The following GRAMD1C variants were observed in gnomAD, a reference collection of about 807,000 sequenced individuals.
The protein encoded by GRAMD1C is GRAM domain containing 1C.
Under a neutral mutation model 97.8 loss-of-function variants are expected in GRAMD1C, and 89 were observed. That is an observed-to-expected ratio of 0.91 (90% CI 0.77 to 1.09). GRAMD1C has a LOEUF of 1.09. Ranked by LOEUF, GRAMD1C falls within the 50% of genes least tolerant of loss-of-function variation. The pLI, the probability that GRAMD1C is intolerant of heterozygous loss-of-function variation, is 0.00. For missense variants in GRAMD1C, 740 were observed against 766.4 expected (o/e 0.97, Z 0.41); for synonymous variants, 256 against 267.0 (o/e 0.96, Z 0.40).
At position 113,915,849 on chromosome 3, in the gene GRAMD1C, G is replaced by C; in HGVS notation, c.1090+11G>C. 6.3e-7 allele frequency: 1 copy of C among 1,592,204 alleles called. No individual in the cohort carries two copies. The highest frequency in any genetic ancestry group is 1.1e-5 in the South Asian group (1 of 90,074). ...CTAGAAATATAATAGGTTAGTCCTT[G>C]TGTTCTTACCTAATGATAAATTTGG... On this transcript the variant is annotated intron_variant, in intron 10 of 17. Coordinates refer to ENST00000358160, the MANE Select transcript of GRAMD1C (RefSeq NM_017577.5).
chr3:113,872,030 A>G (rs1466809691), intron 3 of GRAMD1C, among the ~76,000 whole-genome samples: 1 of 152,158 alleles, frequency 6.6e-6, no homozygotes, highest in Non-Finnish European at 1.5e-5. Context: ...AACTCGATGA[A>G]TTTCTAGACA....
intron 2 of GRAMD1C, among the ~76,000 whole-genome samples, chr3:113,861,796 GT>G (rs1191318154): frequency 6.6e-6 from 1 of 152,060 alleles, no homozygotes; most frequent in African/African-American, 2.4e-5. Context: ...GACTACAATG[GT>G]ATTGGGGAAC....
At chr3:113,924,733 A>C (rs1352261497) in intron 10 of GRAMD1C, among the ~76,000 whole-genome samples, 4 of 152,174 alleles carry the variant, frequency 2.6e-5, no homozygotes, top group Non-Finnish European at 4.4e-5. Flanking sequence ...AATGAGAAGA[A>C]CGTATATTCT....
At chr3:113,841,281 C>CTTTCTTTTT (rs1709780439) in intron 1 of GRAMD1C, among the ~76,000 whole-genome samples, 1 of 17,544 alleles carries the variant, frequency 5.7e-5, no homozygotes, top group African/African-American at 1.2e-4. Context: ...TTCTTTCTTT[C>CTTTCTTTTT]TTTCTTTTTT....
At chr3:113,898,706 A>T (rs1040000060) in intron 6 of GRAMD1C, among the ~76,000 whole-genome samples, 2 of 152,188 alleles carry the variant, frequency 1.3e-5, no homozygotes, top group Non-Finnish European at 2.9e-5. Flanking sequence ...GTGAGAATTT[A>T]TTAGCCTGTG....
rs560870434 is a variant in GRAMD1C, at chr3:113,892,061, G to A, written c.541-8970G>A. Among the ~76,000 whole-genome samples, 5 of 152,034 alleles carry A rather than the reference G, an allele frequency of 3.3e-5. No individual in the cohort carries two copies. The South Asian group carries it at 8.3e-4, about 25-fold the overall frequency. On this transcript the variant is annotated intron_variant, in intron 6 of 17. Transcript: ENST00000358160. ...AAAATGATAGTAAAATTATGTTTGT[G>A]TGCATTTGTTTTATTTATTTTTCCA...
intron 17 of GRAMD1C, 33 bp from the exon 18 acceptor site, chr3:113,945,362 AATT>A: frequency 7.4e-7 from 1 of 1,349,698 alleles, no homozygotes; most frequent in Non-Finnish European, 1.1e-6. Flanking sequence ...TGATTAGAAA[AATT>A]AATCTGATTT....
intron 8 of GRAMD1C, among the ~76,000 whole-genome samples, chr3:113,907,035 G>T (rs1936396903): frequency 6.6e-6 from 1 of 152,118 alleles, no homozygotes; most frequent in Non-Finnish European, 1.5e-5. Flanking sequence ...TACACTCTAT[G>T]ACGTTGGCAC....
rs529359374 is a variant in GRAMD1C, at chr3:113,860,028, A to T, written c.175-9479A>T. Among the ~76,000 whole-genome samples, 36 of 149,578 alleles carry T rather than the reference A, an allele frequency of 2.4e-4. No individual in the cohort carries two copies. In the East Asian group the frequency reaches 5.3e-3, roughly 22 times the overall value. On this transcript the variant is annotated intron_variant, in intron 2 of 17. Coordinates refer to ENST00000358160, the MANE Select transcript of GRAMD1C (RefSeq NM_017577.5). ...TATCAAATGAATAAAATAGGAATAAATTTTTTTTTTTGACATGGAGGCTTG... is the reference window on the plus strand; with the variant it reads ...TATCAAATGAATAAAATAGGAATAATTTTTTTTTTTTGACATGGAGGCTTG...
At chr3:113,891,254 C>T (rs1935712864) in intron 6 of GRAMD1C, among the ~76,000 whole-genome samples, 1 of 152,074 alleles carries the variant, frequency 6.6e-6, no homozygotes, top group Admixed American at 6.6e-5. Flanking sequence ...CAAAACTATC[C>T]TAAATGGAAT....
intron 3 of GRAMD1C, among the ~76,000 whole-genome samples, chr3:113,871,705 A>G (rs1238935853): frequency 7.1e-6 from 1 of 141,674 alleles, no homozygotes; most frequent in African/African-American, 2.6e-5. Context: ...AGATTGTGCC[A>G]CTGCACTCCA....
At chr3:113,943,298 A>T (rs1212726343) in intron 17 of GRAMD1C, among the ~76,000 whole-genome samples, 15 of 152,188 alleles carry the variant, frequency 9.9e-5, no homozygotes, top group Admixed American at 9.8e-4. Flanking sequence ...AATGTATCTA[A>T]TCTTGCTTTC....
intron 5 of GRAMD1C, among the ~76,000 whole-genome samples, chr3:113,879,033 C>G (rs578027057): frequency 6.6e-6 from 1 of 152,074 alleles, no homozygotes; most frequent in African/African-American, 2.4e-5. Context: ...GGTGAAACCC[C>G]GTCTCTACTA....
intron 6 of GRAMD1C, among the ~76,000 whole-genome samples, chr3:113,887,224 G>A (rs1265891758): frequency 1.3e-5 from 2 of 150,980 alleles, no homozygotes; most frequent in African/African-American, 4.9e-5. Context: ...CCAAGTAGCT[G>A]GGACTACAGG....
chr3:113,943,389 T>C (rs2107388580), intron 17 of GRAMD1C, among the ~76,000 whole-genome samples: 2 of 152,356 alleles, frequency 1.3e-5, no homozygotes, highest in Middle Eastern at 6.8e-3. Flanking sequence ...GCAACCATCA[T>C]CACTATCTAA....
chr3:113,887,703 G>A lies in GRAMD1C; in HGVS notation c.540+4871G>A, dbSNP rs568366977. On this transcript the variant is annotated intron_variant, in intron 6 of 17. Transcript: ENST00000358160. ...AACCTGGGTGAAAGTGCGAGACTCC[G>A]TCTCCAAAAAAAAAAAAAAAAAAAA... Among the ~76,000 whole-genome samples the A allele has an allele frequency of 7.3e-3, 795 of 108,926 alleles. 6 individuals are homozygous for A. The highest frequency in any genetic ancestry group is 0.011 in the Non-Finnish European group (609 of 57,366). 71.5% of individuals were successfully genotyped at this position (108,926 alleles called of 152,430 possible).
intron 4 of GRAMD1C, 112 bp from the exon 5 acceptor site, chr3:113,876,050 TGAA>T: frequency 1.6e-6 from 1 of 616,724 alleles, no homozygotes. Context: ...TCGAAAAACC[TGAA>T]GAATATTCAA....
chr3:113,884,249 T>C (rs1237162435), intron 6 of GRAMD1C, among the ~76,000 whole-genome samples: 1 of 152,114 alleles, frequency 6.6e-6, no homozygotes, highest in Non-Finnish European at 1.5e-5. Context: ...ACTAAAATAA[T>C]ACTAAATACG....
intron 9 of GRAMD1C, among the ~76,000 whole-genome samples, chr3:113,915,141 AG>A (rs1303296692): frequency 6.6e-6 from 1 of 152,174 alleles, no homozygotes; most frequent in Admixed American, 6.5e-5. Context: ...AGGATTTCTT[AG>A]TTCTTTTAAT....
Sources: allele counts gnomAD v4.1 joint callset (sites outside exome capture counted in the v4.1 genomes callset), GRCh38; gene constraint gnomAD v4.1.1; transcripts MANE v1.5; gene names NCBI Gene and HGNC (gene_info 2026-07-23, HGNC 2026-07-21).